DCAF8: variants seen among roughly 807,000 people sequenced by gnomAD.
DCAF8 encodes the protein DDB1- and CUL4-associated factor 8.
A neutral mutation model predicts 68.0 loss-of-function variants in DCAF8; 20 were observed. The ratio of observed to expected loss-of-function variants is 0.29; its 90% CI spans 0.21 to 0.43. The LOEUF (loss-of-function observed/expected upper bound fraction) is 0.43, where lower values mean the gene tolerates loss of function less well. Ranked by LOEUF, DCAF8 falls within the 20% of genes least tolerant of loss-of-function variation. The pLI is 1.00. For synonymous variants in DCAF8, 230 were observed against 276.9 expected (o/e 0.83, Z 1.68); for missense variants, 460 against 771.0 (o/e 0.60, Z 4.78).
intron 2 of DCAF8, among the ~76,000 whole-genome samples, chr1:160,249,250 T>C (rs1444035442): frequency 6.6e-6 from 1 of 152,132 alleles, no homozygotes; most frequent in Non-Finnish European, 1.5e-5. Flanking sequence ...TCAACATTAT[T>C]AATAATTAGG....
intron 2 of DCAF8, among the ~76,000 whole-genome samples, chr1:160,246,931 G>T (rs10908771): frequency 3.4e-4 from 51 of 152,146 alleles, no homozygotes; most frequent in African/African-American, 1.2e-3. Context: ...TTCTCTCCAG[G>T]CAGGACGACA....
At chr1:160,235,740 ATT>A in intron 6 of DCAF8, among the ~76,000 whole-genome samples, 1 of 144,856 alleles carries the variant, frequency 6.9e-6, no homozygotes, top group East Asian at 2.0e-4. Flanking sequence ...ACTTACAATG[ATT>A]TTTTTTTTTT....
At chr1:160,219,026 A>C in intron 11 of DCAF8, 58 bp from the exon 12 acceptor site, 1 of 1,595,456 alleles carries the variant, frequency 6.3e-7, no homozygotes, top group Non-Finnish European at 8.5e-7. Flanking sequence ...GGGTTTAAAA[A>C]CCACTACTCA....
At chr1:160,250,358 C>T (rs929637162) in intron 2 of DCAF8, among the ~76,000 whole-genome samples, 27 of 147,072 alleles carry the variant, frequency 1.8e-4, no homozygotes, top group African/African-American at 6.0e-4. Context: ...CCCAGCTACT[C>T]GGGAGGCTGA....
At chr1:160,231,170 TA>T in intron 7 of DCAF8, 126 bp downstream of exon 7, 1 of 706,708 alleles carries the variant, frequency 1.4e-6, no homozygotes, top group African/African-American at 1.8e-5. Flanking sequence ...TGGAAAACGG[TA>T]AAAAATTCAA....
intron 6 of DCAF8, among the ~76,000 whole-genome samples, chr1:160,236,396 A>G (rs1655892510): frequency 6.6e-6 from 1 of 151,066 alleles, no homozygotes; most frequent in Admixed American, 6.6e-5. Context: ...ATATATGTGT[A>G]CATGTGTATA....
At chr1:160,249,323 T>A (rs1035439070) in intron 2 of DCAF8, among the ~76,000 whole-genome samples, 1 of 152,204 alleles carries the variant, frequency 6.6e-6, no homozygotes, top group Non-Finnish European at 1.5e-5. Flanking sequence ...TCAAAAATTG[T>A]TTAAATAACA....
intron 11 of DCAF8, 69 bp downstream of exon 11, chr1:160,222,582 T>G (rs1249844317): frequency 1.3e-6 from 2 of 1,583,100 alleles, no homozygotes; most frequent in African/African-American, 1.3e-5. Flanking sequence ...GAATTCAGTG[T>G]CCCTGCTAAA....
intron 2 of DCAF8, among the ~76,000 whole-genome samples, chr1:160,251,082 C>T (rs1656573916): frequency 1.3e-5 from 2 of 152,126 alleles, no homozygotes; most frequent in African/African-American, 4.8e-5. Flanking sequence ...ACTCAAGTGC[C>T]CAACTCTCCT....
Position 160,244,045 on chromosome 1 carries a change from G to A in DCAF8, c.-26-11C>T. On this transcript the variant is annotated splice_polypyrimidine_tract_variant and intron_variant, in intron 2 of 13. Coordinates refer to ENST00000368074, the MANE Select transcript of DCAF8 (RefSeq NM_015726.4). ...TTTGCTGTAGCCAGCCTGGGTTTGG[G>A]AGAGGAAGAAACCAAAACAATTAGG... 1.9e-6 allele frequency: 3 copies of A among 1,612,964 alleles called. No individual in the cohort carries two copies. The highest frequency in any genetic ancestry group is 2.5e-6 in the Non-Finnish European group (3 of 1,178,964).
Position 160,237,116 on chromosome 1 carries a change from A to G in DCAF8, c.959+19T>C, listed in dbSNP as rs1309885029. The G allele has an allele frequency of 6.6e-7, 1 of 1,515,218 alleles. No individual in the cohort carries two copies. The allele number at this position is 1,515,218 out of a possible 1,614,324, so 93.9% of individuals were successfully genotyped here. Reference sequence around the variant, plus strand: ...GGCTAAGAGATACAGTTCTGTAATGATATTACTGCTACACTTACGACGCTG... The same window carrying G: ...GGCTAAGAGATACAGTTCTGTAATGGTATTACTGCTACACTTACGACGCTG... On this transcript the variant is annotated intron_variant, in intron 6 of 13. Coordinates refer to ENST00000368074, the MANE Select transcript of DCAF8 (RefSeq NM_015726.4).
At chr1:160,238,822 G>A (rs928635999) in intron 4 of DCAF8, 75 bp from the exon 5 acceptor site, 2 of 1,406,490 alleles carry the variant, frequency 1.4e-6, no homozygotes, top group Non-Finnish European at 1.9e-6. Flanking sequence ...AAAATACGAT[G>A]ATGACCTCAA....
At chr1:160,218,781 T>A in intron 12 of DCAF8, 68 bp downstream of exon 12, 1 of 1,597,230 alleles carries the variant, frequency 6.3e-7, no homozygotes, top group South Asian at 1.1e-5. Context: ...TATTCCTCCC[T>A]ATGACAATAA....
At chr1:160,261,053 T>C (rs1290076592) in intron 2 of DCAF8, among the ~76,000 whole-genome samples, 1 of 152,200 alleles carries the variant, frequency 6.6e-6, no homozygotes, top group African/African-American at 2.4e-5. Context: ...CATTCACTTC[T>C]AGGCTTAAGT....
At chr1:160,228,855 T>A (rs930962450) in intron 7 of DCAF8, among the ~76,000 whole-genome samples, 9 of 152,084 alleles carry the variant, frequency 5.9e-5, no homozygotes, top group African/African-American at 2.2e-4. Context: ...GCTGTTTGGG[T>A]TCTTTCAAAG....
intron 2 of DCAF8, among the ~76,000 whole-genome samples, chr1:160,247,978 CA>C (rs905755856): frequency 6.6e-6 from 1 of 152,072 alleles, no homozygotes; most frequent in Middle Eastern, 3.2e-3. Flanking sequence ...AAAGCACATA[CA>C]AAAAAATTAA....
At chr1:160,234,531 A>G (rs751645435) in intron 6 of DCAF8, among the ~76,000 whole-genome samples, 1 of 152,172 alleles carries the variant, frequency 6.6e-6, no homozygotes, top group South Asian at 2.1e-4. Context: ...CATTCGCTCT[A>G]TTCATTACTT....
At chr1:160,218,689 G>A (rs1173096435) in intron 12 of DCAF8, among the ~76,000 whole-genome samples, 160 bp downstream of exon 12, 1 of 152,188 alleles carries the variant, frequency 6.6e-6, no homozygotes, top group Non-Finnish European at 1.5e-5. Context: ...GCCCCCTGGA[G>A]CAGGACTATT....
In DCAF8 at chr1:160,230,022, T is replaced by TA. The variant is rs921258675; in HGVS notation, c.1070+1274dup. 2.2e-4 allele frequency among the ~76,000 whole-genome samples: 33 copies of TA among 147,114 alleles called. No individual in the cohort carries two copies. The Middle Eastern group carries it at 0.011, about 47-fold the overall frequency. On this transcript the variant is annotated intron_variant, in intron 7 of 13. Coordinates refer to ENST00000368074, the MANE Select transcript of DCAF8 (RefSeq NM_015726.4). ...TGGGTAATAAGAGTAAAACTCTGTCTAAAAAAAAAAATCTATGGCTACACA... is the reference window on the plus strand; with the variant it reads ...TGGGTAATAAGAGTAAAACTCTGTCTAAAAAAAAAAAATCTATGGCTACACA...
Sources: gnomAD v4.1 joint callset for allele counts (sites outside exome capture counted in the v4.1 genomes callset) on GRCh38, gnomAD v4.1.1 for gene constraint, MANE v1.5 for transcripts, NCBI Gene and HGNC (gene_info 2026-07-23, HGNC 2026-07-21) for gene names.